KCNH7: variants seen among roughly 807,000 people sequenced by gnomAD.
KCNH7 encodes potassium voltage-gated channel subfamily H member 7.
KCNH7 carries 49 observed loss-of-function variants against 120.8 expected under a neutral mutation model. That is an observed-to-expected ratio of 0.41 (90% CI 0.32 to 0.51). The LOEUF is 0.51. Ranked by LOEUF, KCNH7 falls within the 20% of genes least tolerant of loss-of-function variation. KCNH7 has a pLI of 0.38. For synonymous variants in KCNH7, 547 were observed against 516.1 expected (o/e 1.06, Z -0.81); for missense variants, 1,097 against 1,446.6 (o/e 0.76, Z 3.92).
intron 12 of KCNH7, 51 bp downstream of exon 12, chr2:162,394,338 G>T: frequency 9.8e-7 from 1 of 1,020,484 alleles, no homozygotes; most frequent in Non-Finnish European, 1.6e-6. Flanking sequence ...TAAGTAAGAA[G>T]GCTAATTACC....
chr2:162,736,172 G>A (rs1687903408), intron 2 of KCNH7, among the ~76,000 whole-genome samples: 1 of 152,172 alleles, frequency 6.6e-6, no homozygotes, highest in Non-Finnish European at 1.5e-5. Flanking sequence ...CCTGCAAGGA[G>A]AAGAGAAGGA....
chr2:162,514,247 C>T (rs1421020315), intron 4 of KCNH7, among the ~76,000 whole-genome samples: 2 of 151,796 alleles, frequency 1.3e-5, no homozygotes, highest in Admixed American at 6.6e-5. Flanking sequence ...TAGATGACAA[C>T]TCCCTTTCCT....
At chr2:162,729,693 T>C (rs1574315796) in intron 2 of KCNH7, among the ~76,000 whole-genome samples, 1 of 152,344 alleles carries the variant, frequency 6.6e-6, no homozygotes, top group East Asian at 1.9e-4. Context: ...GTGGACATTC[T>C]TGCTTTATTT....
intron 11 of KCNH7, 123 bp from the exon 12 acceptor site, chr2:162,394,608 C>T (rs1686850011): frequency 1.1e-5 from 7 of 616,598 alleles, no homozygotes; most frequent in Non-Finnish European, 1.7e-5. Context: ...TATTAGATTG[C>T]AGGCAAACAG....
intron 6 of KCNH7, among the ~76,000 whole-genome samples, chr2:162,478,904 C>T (rs1411487026): frequency 6.6e-6 from 1 of 152,086 alleles, no homozygotes. Flanking sequence ...AGGTTAAACT[C>T]CAGAACATGT....
chr2:162,700,292 C>T (rs893453753), intron 2 of KCNH7, among the ~76,000 whole-genome samples: 6 of 152,154 alleles, frequency 3.9e-5, no homozygotes, highest in Non-Finnish European at 5.9e-5. Context: ...CAAAAGCAAG[C>T]ACTTTTCATC....
intron 2 of KCNH7, among the ~76,000 whole-genome samples, chr2:162,768,142 C>T (rs995590255): frequency 1.5e-4 from 23 of 152,144 alleles, no homozygotes; most frequent in African/African-American, 5.1e-4. Context: ...TTTTAAATTA[C>T]TGACTTAAAA....
At position 162,649,586 on chromosome 2, in the gene KCNH7, C is replaced by T. The variant is rs182903297; in HGVS notation, c.308-112506G>A. Among the ~76,000 whole-genome samples, 31 of 152,142 alleles carry T rather than the reference C, an allele frequency of 2.0e-4. No homozygotes were observed. In the East Asian group the frequency reaches 4.3e-3, roughly 21 times the overall value. ...AGAGATTTCTCATGAGATCTCAATA[C>T]GACAATGGCAGAACCTGAGAACAAA... On this transcript the variant is annotated intron_variant, in intron 2 of 15. Coordinates refer to ENST00000332142, the MANE Select transcript of KCNH7 (RefSeq NM_033272.4).
intron 2 of KCNH7, among the ~76,000 whole-genome samples, chr2:162,808,363 T>G (rs1214657765): frequency 6.6e-6 from 1 of 152,142 alleles, no homozygotes; most frequent in Non-Finnish European, 1.5e-5. Flanking sequence ...ATGGGTACAG[T>G]CTTTACCCCA....
chr2:162,559,709 G>A (rs1692994539), intron 2 of KCNH7, among the ~76,000 whole-genome samples: 1 of 152,180 alleles, frequency 6.6e-6, no homozygotes, highest in Admixed American at 6.5e-5. Context: ...GCTGAGACCA[G>A]TGAAATGATA....
intron 2 of KCNH7, among the ~76,000 whole-genome samples, chr2:162,732,652 T>A (rs1235925026): frequency 6.6e-6 from 1 of 152,180 alleles, no homozygotes; most frequent in African/African-American, 2.4e-5. Flanking sequence ...AACCTCAATA[T>A]CCTCATTTGT....
At chr2:162,428,540 G>A (rs1687944343) in intron 8 of KCNH7, among the ~76,000 whole-genome samples, 1 of 151,854 alleles carries the variant, frequency 6.6e-6, no homozygotes, top group Non-Finnish European at 1.5e-5. Flanking sequence ...AATATGTCAA[G>A]TTTAGCTGTT....
chr2:162,606,272 G>A (rs111364036), intron 2 of KCNH7, among the ~76,000 whole-genome samples: 1 of 151,984 alleles, frequency 6.6e-6, no homozygotes, highest in Admixed American at 6.6e-5. Flanking sequence ...GAAACAAAGA[G>A]TATAAGTAAG....
chr2:162,741,932 C>A (rs1165942215), intron 2 of KCNH7, among the ~76,000 whole-genome samples: 2 of 152,132 alleles, frequency 1.3e-5, no homozygotes, highest in African/African-American at 4.8e-5. Context: ...TTTATAGATG[C>A]ATAGAATGGC....
chr2:162,695,524 T>A (rs568396876), intron 2 of KCNH7, among the ~76,000 whole-genome samples: 1 of 152,288 alleles, frequency 6.6e-6, no homozygotes, highest in Admixed American at 6.5e-5. Flanking sequence ...CATGGATATT[T>A]GAGTCTCTGT....
intron 5 of KCNH7, among the ~76,000 whole-genome samples, chr2:162,505,175 G>A (rs11684902): frequency 0.75 from 114,031 of 151,692 alleles, 45,913 homozygotes; most frequent in Non-Finnish European, 0.92. Context: ...TATATGAGAT[G>A]CTCCACAGAG....
intron 2 of KCNH7, among the ~76,000 whole-genome samples, chr2:162,758,867 T>C (rs1688876131): frequency 6.6e-6 from 1 of 152,154 alleles, no homozygotes; most frequent in Admixed American, 6.6e-5. Flanking sequence ...TGATTTGCTA[T>C]GCACAGGAGA....
chr2:162,770,644 C>A (rs1279916863), intron 2 of KCNH7, among the ~76,000 whole-genome samples: 2 of 151,882 alleles, frequency 1.3e-5, no homozygotes, highest in Non-Finnish European at 2.9e-5. Flanking sequence ...TAGAATAATA[C>A]ACATTATGAG....
At position 162,371,610 on chromosome 2, in the gene KCNH7, C is replaced by T; in HGVS notation, c.*219G>A. The T allele has an allele frequency of 1.2e-6, 1 of 816,374 alleles. No individual in the cohort carries two copies. Among genetic ancestry groups the T allele is most frequent in the Non-Finnish European group, 1.8e-6 (1 of 560,534 alleles). 50.6% of individuals were successfully genotyped at this position (816,374 alleles called of 1,614,324 possible). A position where few individuals can be genotyped will look rare whatever the true frequency, so the allele number is the denominator to read the frequency against. On this transcript the variant is annotated 3_prime_UTR_variant, in exon 16 of 16. Coordinates refer to ENST00000332142, the MANE Select transcript of KCNH7 (RefSeq NM_033272.4). ...ATAAAAAATAAGGTGCCGTGAGATG[C>T]TGGCAGTTTTAACATTTGGAACCAA... is the stretch of plus-strand genomic sequence containing the variant.
Sources: allele counts gnomAD v4.1 joint callset (sites outside exome capture counted in the v4.1 genomes callset), GRCh38; gene constraint gnomAD v4.1.1; transcripts MANE v1.5; gene names NCBI Gene and HGNC (gene_info 2026-07-23, HGNC 2026-07-21).